The following SMOC2 variants were observed in gnomAD, a reference collection of about 807,000 sequenced individuals.
The protein encoded by SMOC2 is SPARC-related modular calcium-binding protein 2.
SMOC2 carries 39 observed loss-of-function variants against 61.4 expected under a neutral mutation model. The ratio of observed to expected loss-of-function variants is 0.64; its 90% CI spans 0.49 to 0.83. The LOEUF (loss-of-function observed/expected upper bound fraction) is 0.83, where lower values mean the gene tolerates loss of function less well. SMOC2 is among the 40% of genes least tolerant of loss of function. The pLI is 0.00. For synonymous variants in SMOC2, 247 were observed against 239.9 expected, an observed-to-expected ratio of 1.03 and a Z score of -0.27; for missense variants, 556 against 592.9, an observed-to-expected ratio of 0.94 and a Z score of 0.65.
chr6:168,619,429 A>G (rs1191947563), intron 9 of SMOC2, among the ~76,000 whole-genome samples: 1 of 152,246 alleles, frequency 6.6e-6, no homozygotes, highest in Non-Finnish European at 1.5e-5. Flanking sequence ...CAACACTATC[A>G]AATATATTAA....
chr6:168,456,534 G>A (rs1202670832), intron 1 of SMOC2, among the ~76,000 whole-genome samples: 2 of 152,230 alleles, frequency 1.3e-5, no homozygotes, highest in Non-Finnish European at 2.9e-5. Context: ...ACTCCCCGGT[G>A]CCACTTGGTG....
chr6:168,508,119 T>A (rs1017712220), intron 1 of SMOC2, among the ~76,000 whole-genome samples: 2 of 152,230 alleles, frequency 1.3e-5, no homozygotes, highest in Admixed American at 1.3e-4. Context: ...TACAGCATCT[T>A]GTGTGCCCTA....
At chr6:168,567,862 T>C (rs981739217) in intron 7 of SMOC2, among the ~76,000 whole-genome samples, 9 of 150,478 alleles carry the variant, frequency 6.0e-5, no homozygotes, top group African/African-American at 2.0e-4. Context: ...TGTCTCATAT[T>C]AGAATTTAGT....
intron 2 of SMOC2, among the ~76,000 whole-genome samples, chr6:168,512,592 C>G (rs938474478): frequency 1.1e-4 from 17 of 152,180 alleles, no homozygotes; most frequent in South Asian, 2.1e-4. Context: ...AGCTGAATCC[C>G]AAACACAAAG....
At chr6:168,613,756 C>T (rs373978963) in intron 9 of SMOC2, among the ~76,000 whole-genome samples, 915 of 68,326 alleles carry the variant, frequency 0.013, no homozygotes, top group Non-Finnish European at 0.019. Flanking sequence ...CCTCTTCACA[C>T]CTACAGCCAG....
rs1562546730 is a variant in SMOC2 at position 168,475,103 on chromosome 6, T to G, written c.84+33649T>G. 6.6e-6 allele frequency among the ~76,000 whole-genome samples: 1 copy of G among 152,246 alleles called. No homozygotes were observed. The highest frequency in any genetic ancestry group is 2.4e-5 in the African/African-American group (1 of 41,576). ...GGTCAGCACTCATGCCATACACTCT[T>G]GTCAGCTGGTTTCTCATTTTAGGAA... On this transcript the variant is annotated intron_variant, in intron 1 of 12. Transcript: ENST00000356284. This position sits in a 1 kb window ranked among gnomAD's most constrained non-coding sequence, Gnocchi z 4.6.
At chr6:168,448,041 T>C (rs9364455) in intron 1 of SMOC2, among the ~76,000 whole-genome samples, 44,159 of 151,948 alleles carry the variant, frequency 0.29, 8,317 homozygotes, top group African/African-American at 0.52. Flanking sequence ...CAGGTCAGGG[T>C]TGTCCCATGT....
At chr6:168,481,436 A>G (rs1420583968) in intron 1 of SMOC2, among the ~76,000 whole-genome samples, 1 of 152,114 alleles carries the variant, frequency 6.6e-6, no homozygotes, top group Non-Finnish European at 1.5e-5. Context: ...GCTGGTATAA[A>G]TTTAAATAAA....
At chr6:168,648,505 C>T (rs1274394391) in intron 9 of SMOC2, among the ~76,000 whole-genome samples, 4 of 152,226 alleles carry the variant, frequency 2.6e-5, no homozygotes, top group Non-Finnish European at 4.4e-5. Flanking sequence ...CCCAGGGAGC[C>T]GAGGCCGGGT....
rs1351217816 is a variant in SMOC2, at chr6:168,666,659, G to A, written c.*221G>A. The A allele has an allele frequency of 1.7e-6, 1 of 586,192 alleles. No individual in the cohort carries two copies. Among genetic ancestry groups the A allele is most frequent in the African/African-American group, 1.9e-5 (1 of 53,204 alleles). The allele number at this position is 586,192 out of a possible 1,614,324, so 36.3% of individuals were successfully genotyped here. On this transcript the variant is annotated 3_prime_UTR_variant, in exon 13 of 13. Transcript: ENST00000356284. ...ACATACAATGTATGTGTCCTCTTTT[G>A]ACCTTGGAAATCTGTATGTGGTGGA...
At chr6:168,556,559 A>G (rs1335967910) in intron 7 of SMOC2, among the ~76,000 whole-genome samples, 2 of 150,408 alleles carry the variant, frequency 1.3e-5, no homozygotes, top group Non-Finnish European at 3.0e-5. Flanking sequence ...CCAAAAGCCC[A>G]GGGCTGTTTG....
In SMOC2 at chr6:168,573,522, G is replaced by A. The variant is rs9456209; in HGVS notation, c.637+24319G>A. 9.6e-3 allele frequency among the ~76,000 whole-genome samples: 1,463 copies of A among 152,276 alleles called. 25 individuals carry two copies. Among genetic ancestry groups the A allele is most frequent in the African/African-American group, 0.033 (1,368 of 41,564 alleles). ...GGCGAGCCTGCTGCTGGTGCTGCTG[G>A]TCCCTCTGTGTCTGTGTGTCCAGCC... On this transcript the variant is annotated intron_variant, in intron 7 of 12. Coordinates refer to ENST00000356284, the MANE Select transcript of SMOC2 (RefSeq NM_001166412.2).
At chr6:168,442,415 A>T (rs1781234770) in intron 1 of SMOC2, among the ~76,000 whole-genome samples, 1 of 152,250 alleles carries the variant, frequency 6.6e-6, no homozygotes, top group Admixed American at 6.5e-5. Flanking sequence ...CGCTGGGCCA[A>T]GGCCGGGTGT....
At chr6:168,563,939 G>A (rs1011949176) in intron 7 of SMOC2, among the ~76,000 whole-genome samples, 1 of 152,124 alleles carries the variant, frequency 6.6e-6, no homozygotes. Flanking sequence ...GTGCTCACCT[G>A]CCTCATCTCA....
intron 4 of SMOC2, among the ~76,000 whole-genome samples, chr6:168,542,193 T>C (rs937379353): frequency 2.0e-5 from 3 of 152,150 alleles, no homozygotes. Flanking sequence ...AATGTGGATT[T>C]GTAAAGAGAT....
intron 8 of SMOC2, among the ~76,000 whole-genome samples, chr6:168,604,584 A>G (rs1327792475): frequency 6.6e-6 from 1 of 152,158 alleles, no homozygotes; most frequent in Non-Finnish European, 1.5e-5. Flanking sequence ...GATACTTCAT[A>G]GTTTTGATTT....
At position 168,638,644 on chromosome 6, in the gene SMOC2, G is replaced by A. The variant is rs376783059; in HGVS notation, c.908-12037G>A. Among the ~76,000 whole-genome samples, 39 of 152,262 alleles carry A rather than the reference G, an allele frequency of 2.6e-4. No homozygotes were observed. The Middle Eastern group carries it at 0.01, about 40-fold the overall frequency. The stretch of plus-strand genomic sequence containing the variant: ...ATCAGGAGGGACAGCCGGAATTCCC[G>A]CGGAGTGGAGTCTTGCTCCCAGCCC... On this transcript the variant is annotated intron_variant, in intron 9 of 12. Transcript: ENST00000356284.
intron 11 of SMOC2, among the ~76,000 whole-genome samples, chr6:168,656,507 TAAAA>T (rs5881805): frequency 0.024 from 2,061 of 86,792 alleles, 77 homozygotes; most frequent in African/African-American, 0.077. Context: ...GACTTTGTGT[TAAAA>T]AAAAAAAAAA....
chr6:168,635,708 T>C (rs1010997400), intron 9 of SMOC2, among the ~76,000 whole-genome samples: 55 of 151,882 alleles, frequency 3.6e-4, no homozygotes, highest in Middle Eastern at 6.8e-3. Context: ...CCGTCTCTAC[T>C]AAAAATACAA....
Sources: allele counts gnomAD v4.1 joint callset (sites outside exome capture counted in the v4.1 genomes callset), GRCh38; gene constraint gnomAD v4.1.1; non-coding constraint Gnocchi (gnomAD v3.1); transcripts MANE v1.5; gene names NCBI Gene and HGNC (gene_info 2026-07-23, HGNC 2026-07-21).